Variants in DDHD1 observed in about 807,000 individuals in gnomAD.
DDHD1 encodes phospholipase DDHD1.
DDHD1 carries 49 observed loss-of-function variants against 96.4 expected under a neutral mutation model. The observed-to-expected ratio is 0.51, with a 90% CI of 0.40 to 0.64. The LOEUF is 0.64. Ranked by LOEUF, DDHD1 falls within the 30% of genes least tolerant of loss-of-function variation. The probability of loss-of-function intolerance (pLI) is 0.00; values close to 1 mark genes in which losing one functional copy is unlikely to be tolerated. For missense variants in DDHD1, 1,106 were observed against 1,161.2 expected (o/e 0.95, Z 0.69); for synonymous variants, 442 against 446.5 (o/e 0.99, Z 0.13).
intron 2 of DDHD1, among the ~76,000 whole-genome samples, chr14:53,098,775 C>T (rs1887081386): frequency 6.6e-6 from 1 of 151,978 alleles, no homozygotes; most frequent in African/African-American, 2.4e-5. Context: ...ACTTCATCCA[C>T]CAACTTGTTA....
Position 53,063,540 on chromosome 14 carries a change from C to T in DDHD1, c.1504-335G>A, listed in dbSNP as rs76982634. Among the ~76,000 whole-genome samples, 314 of 151,470 alleles carry T rather than the reference C, an allele frequency of 2.1e-3. 1 individual carries two copies. The highest frequency in any genetic ancestry group is 7.3e-3 in the African/African-American group (301 of 41,372). On this transcript the variant is annotated intron_variant, in intron 6 of 12. Coordinates refer to ENST00000673822, the MANE Select transcript of DDHD1 (RefSeq NM_001160148.2). ...TACCAATAAGATTTTCAAAGACCCCCGCAAATTTCTTTTTTGTTGTAACTT... is the reference window on the plus strand; with the variant it reads ...TACCAATAAGATTTTCAAAGACCCCTGCAAATTTCTTTTTTGTTGTAACTT...
At chr14:53,092,214 A>G (rs901850052) in intron 3 of DDHD1, 31 of 221,534 alleles carry the variant, frequency 1.4e-4, no homozygotes, top group African/African-American at 6.8e-4. Context: ...TAATAAGAAA[A>G]TATCAGGAAA....
intron 1 of DDHD1, among the ~76,000 whole-genome samples, chr14:53,138,104 T>A (rs1010715293): frequency 2.0e-5 from 3 of 152,224 alleles, no homozygotes; most frequent in East Asian, 1.9e-4. Context: ...ATTGTTTTTT[T>A]AAAAATTGAC....
intron 4 of DDHD1, among the ~76,000 whole-genome samples, chr14:53,075,830 T>C (rs1389624362): frequency 3.9e-5 from 6 of 152,202 alleles, no homozygotes; most frequent in Non-Finnish European, 8.8e-5. Flanking sequence ...CTAAATCTAC[T>C]GTGCCTGTGC....
intron 1 of DDHD1, among the ~76,000 whole-genome samples, chr14:53,140,578 C>A (rs888486935): frequency 1.3e-5 from 2 of 151,748 alleles, no homozygotes; most frequent in African/African-American, 4.8e-5. Context: ...CAAACCTAGA[C>A]AAATACGAAA....
intron 1 of DDHD1, among the ~76,000 whole-genome samples, chr14:53,150,733 A>C (rs1197833551): frequency 1.3e-5 from 2 of 152,218 alleles, no homozygotes; most frequent in Non-Finnish European, 2.9e-5. Context: ...CATTTGAAGG[A>C]AACACCGAGT....
rs1283365031 is a variant in DDHD1, at chr14:53,046,074, A to G, written c.*694T>C. On this transcript the variant is annotated 3_prime_UTR_variant, in exon 13 of 13. Coordinates refer to ENST00000673822, the MANE Select transcript of DDHD1 (RefSeq NM_001160148.2). ...AAAAAAAATGTATGCCACAGTGTCT[A>G]TATATTCATCTGAAGAGTACAAAGA... is the stretch of plus-strand genomic sequence containing the variant. The G allele has an allele frequency of 3.3e-5, 5 of 152,200 alleles. No homozygotes were observed. Among genetic ancestry groups the G allele is most frequent in the Non-Finnish European group, 7.4e-5 (5 of 68,022 alleles). 9.4% of individuals were successfully genotyped at this position (152,200 alleles called of 1,614,324 possible). A position where few individuals can be genotyped will look rare whatever the true frequency, so the allele number is the denominator to read the frequency against.
At chr14:53,069,768 C>G (rs186605404) in intron 6 of DDHD1, among the ~76,000 whole-genome samples, 2 of 152,246 alleles carry the variant, frequency 1.3e-5, no homozygotes, top group Admixed American at 6.5e-5. Flanking sequence ...CACCCCCGCC[C>G]TGGGTTTATT....
chr14:53,107,552 A>G (rs935157221), intron 1 of DDHD1, among the ~76,000 whole-genome samples: 1 of 152,220 alleles, frequency 6.6e-6, no homozygotes. Context: ...GTACTTTGGG[A>G]GGCCGAGGCA....
At position 53,152,908 on chromosome 14, in the gene DDHD1, C is replaced by A. The variant is rs1297939280; in HGVS notation, c.191G>T (p.Gly64Val). Reference sequence around the variant, plus strand: ...GTCGGTGCCCGGCGCCAAATGCAGCCCGGGTTCCCCGCGCAGCAGGGCCAG... The same window carrying A: ...GTCGGTGCCCGGCGCCAAATGCAGCACGGGTTCCCCGCGCAGCAGGGCCAG... ...VPLALLRGEP[G>V]LHLAPGTDDH... Residue 64 changes from glycine to valine, a missense_variant, in exon 1 of 13, where the codon GGG becomes GTG. Around this residue, in one of 2 missense-constraint regions of DDHD1, gnomAD observed 456 missense variants for 402.4 expected, o/e 1.13. Transcript: ENST00000673822. The A allele has an allele frequency of 1.9e-6, 3 of 1,608,078 alleles. No homozygotes were observed. The highest frequency in any genetic ancestry group is 2.2e-5 in the East Asian group (1 of 44,482).
chr14:53,108,434 C>G (rs1399478122), intron 1 of DDHD1, among the ~76,000 whole-genome samples: 10 of 152,182 alleles, frequency 6.6e-5, no homozygotes, highest in Admixed American at 2.0e-4. Context: ...GGTCAGAGAA[C>G]GTGAGACTTG....
chr14:53,051,775 A>G (rs1299357317), intron 12 of DDHD1, 69 bp downstream of exon 12: 2 of 1,296,546 alleles, frequency 1.5e-6, no homozygotes, highest in East Asian at 2.5e-5. Context: ...CAATTTTTCA[A>G]TAAGCAGAAG....
At chr14:53,091,173 C>T (rs1212335487) in intron 4 of DDHD1, among the ~76,000 whole-genome samples, 2 of 152,180 alleles carry the variant, frequency 1.3e-5, no homozygotes, top group South Asian at 2.1e-4. Context: ...GAACCCTTAA[C>T]CCTAACATGC....
intron 1 of DDHD1, among the ~76,000 whole-genome samples, chr14:53,118,991 A>G (rs1888769769): frequency 6.6e-6 from 1 of 152,218 alleles, no homozygotes; most frequent in African/African-American, 2.4e-5. Flanking sequence ...AAGCCAGAAG[A>G]GAGTGGGGGC....
chr14:53,134,372 A>G (rs1436277524), intron 1 of DDHD1, among the ~76,000 whole-genome samples: 1 of 151,970 alleles, frequency 6.6e-6, no homozygotes, highest in Non-Finnish European at 1.5e-5. Flanking sequence ...GACAGGGCAC[A>G]CTCCAATACT....
Position 53,062,789 on chromosome 14 carries a change from A to G in DDHD1, c.1766+154T>C, listed in dbSNP as rs142665403. 1.1e-3 allele frequency among the ~76,000 whole-genome samples: 168 copies of G among 152,332 alleles called. 4 individuals carry two copies. The East Asian group carries it at 0.03, about 27-fold the overall frequency. On this transcript the variant is annotated intron_variant, in intron 7 of 12. Coordinates refer to ENST00000673822, the MANE Select transcript of DDHD1 (RefSeq NM_001160148.2). ...ATGCATGTAATTAGCATGAAAATCA[A>G]CAGTCTCCAGCTTGATTAGGCATGC...
chr14:53,088,429 C>T (rs1288447349), intron 4 of DDHD1, among the ~76,000 whole-genome samples: 1 of 152,182 alleles, frequency 6.6e-6, no homozygotes, highest in Non-Finnish European at 1.5e-5. Context: ...CAATAAAATA[C>T]TGGCAAACCA....
chr14:53,071,472 T>A (rs1170298202), intron 6 of DDHD1, among the ~76,000 whole-genome samples: 1 of 152,018 alleles, frequency 6.6e-6, no homozygotes, highest in Non-Finnish European at 1.5e-5. Context: ...AGGCACAGAC[T>A]CCCCCTTGTA....
intron 8 of DDHD1, among the ~76,000 whole-genome samples, chr14:53,060,466 T>C (rs185907289): frequency 9.8e-5 from 15 of 152,290 alleles, no homozygotes; most frequent in Non-Finnish European, 1.9e-4. Flanking sequence ...CTAAACTAAG[T>C]TTGCTCACAC....
Sources: gnomAD v4.1 joint callset for allele counts (sites outside exome capture counted in the v4.1 genomes callset) on GRCh38, gnomAD v4.1.1 for gene constraint, gnomAD v4.1.1 regional missense constraint, MANE v1.5 for transcripts, NCBI Gene and HGNC (gene_info 2026-07-23, HGNC 2026-07-21) for gene names.